Variants in MGAT4C observed in about 807,000 individuals in gnomAD.
MGAT4C encodes alpha-1,3-mannosyl-glycoprotein 4-beta-N-acetylglucosaminyltransferase C.
MGAT4C carries 19 observed loss-of-function variants against 40.1 expected under a neutral mutation model. The observed-to-expected ratio is 0.47, with a 90% CI of 0.33 to 0.70. The LOEUF (loss-of-function observed/expected upper bound fraction) is 0.70. Among genes scored for constraint, MGAT4C ranks in the 30% least tolerant of loss-of-function variants. The pLI, the probability that MGAT4C is intolerant of heterozygous loss-of-function variation, is 0.02. For synonymous variants in MGAT4C, 181 were observed against 187.1 expected, an observed-to-expected ratio of 0.97 and a Z score of 0.27; for missense variants, 491 against 563.2, an observed-to-expected ratio of 0.87 and a Z score of 1.30.
chr12:86,233,396 G>A (rs1951406682), intron 1 of MGAT4C, among the ~76,000 whole-genome samples: 1 of 152,172 alleles, frequency 6.6e-6, no homozygotes, highest in East Asian at 1.9e-4. Flanking sequence ...TGATGCTAAT[G>A]ACACATTACA....
chr12:86,661,418 C>A (rs1252508412), intron 2 of MGAT4C, among the ~76,000 whole-genome samples: 7 of 151,642 alleles, frequency 4.6e-5, no homozygotes, highest in African/African-American at 1.7e-4. Context: ...GTAAAAAAAT[C>A]ATCTTAATGT....
chr12:86,013,294 C>T (rs1466281164), intron 2 of MGAT4C, among the ~76,000 whole-genome samples: 2 of 152,052 alleles, frequency 1.3e-5, no homozygotes, highest in Non-Finnish European at 2.9e-5. Context: ...TGCTCTATCG[C>T]CCAGGCTGGA....
At chr12:86,076,380 T>C (rs1308133779) in intron 1 of MGAT4C, among the ~76,000 whole-genome samples, 1 of 152,162 alleles carries the variant, frequency 6.6e-6, no homozygotes, top group Non-Finnish European at 1.5e-5. Flanking sequence ...ACATTTTCCT[T>C]TTTTCTTCTG....
At chr12:86,266,938 T>C (rs1429815039) in intron 4 of MGAT4C, among the ~76,000 whole-genome samples, 1 of 152,100 alleles carries the variant, frequency 6.6e-6, no homozygotes, top group Non-Finnish European at 1.5e-5. Flanking sequence ...TAGTTATTCA[T>C]AATATTCTCT....
At chr12:86,036,183 C>T (rs1225907807) in intron 2 of MGAT4C, among the ~76,000 whole-genome samples, 5 of 149,918 alleles carry the variant, frequency 3.3e-5, no homozygotes, top group Admixed American at 1.3e-4. Flanking sequence ...GCCATTTTCA[C>T]GAAATTGATT....
chr12:86,165,235 ATAAT>A (rs1246889232), intron 1 of MGAT4C, among the ~76,000 whole-genome samples: 5 of 152,160 alleles, frequency 3.3e-5, no homozygotes, highest in Non-Finnish European at 5.9e-5. Flanking sequence ...CATATATAAA[ATAAT>A]TAATGTAGAT....
At chr12:86,631,110 A>G (rs1309915097) in intron 2 of MGAT4C, among the ~76,000 whole-genome samples, 2 of 152,178 alleles carry the variant, frequency 1.3e-5, no homozygotes, top group Non-Finnish European at 2.9e-5. Flanking sequence ...TACACCAACA[A>G]CAGACAAACA....
chr12:85,995,252 C>A (rs1886475583), intron 2 of MGAT4C, among the ~76,000 whole-genome samples: 1 of 152,104 alleles, frequency 6.6e-6, no homozygotes. Context: ...ACGTAGAGAT[C>A]TTGCCAATTA....
chr12:86,223,792 G>A (rs1241995865), intron 1 of MGAT4C, among the ~76,000 whole-genome samples: 1 of 152,108 alleles, frequency 6.6e-6, no homozygotes, highest in Non-Finnish European at 1.5e-5. Context: ...CTGAGGTCCG[G>A]CAAACCCAAC....
intron 3 of MGAT4C, among the ~76,000 whole-genome samples, chr12:86,362,915 TA>T (rs1955513679): frequency 6.9e-6 from 1 of 145,736 alleles, no homozygotes; most frequent in Non-Finnish European, 1.5e-5. Flanking sequence ...TAATATTAGC[TA>T]AAGTGGATTT....
intron 2 of MGAT4C, among the ~76,000 whole-genome samples, chr12:85,990,053 A>G (rs1282574351): frequency 6.6e-6 from 1 of 152,142 alleles, no homozygotes; most frequent in Admixed American, 6.5e-5. Context: ...AAAGTGATAA[A>G]GAAGTTAAGG....
At chr12:86,361,046 GA>G (rs79664230) in intron 3 of MGAT4C, among the ~76,000 whole-genome samples, 111,294 of 151,894 alleles carry the variant, frequency 0.73, 40,978 homozygotes, top group East Asian at 0.9. Context: ...TAAGCCAAAA[GA>G]ACAAAGCTGG....
intron 1 of MGAT4C, among the ~76,000 whole-genome samples, chr12:86,079,694 T>C (rs190850390): frequency 1.9e-3 from 296 of 152,068 alleles, no homozygotes; most frequent in African/African-American, 6.6e-3. Flanking sequence ...TAATGATTTA[T>C]GTATATAAGT....
intron 2 of MGAT4C, among the ~76,000 whole-genome samples, chr12:86,714,851 A>G (rs1233319945): frequency 6.6e-6 from 1 of 151,940 alleles, no homozygotes; most frequent in Non-Finnish European, 1.5e-5. Context: ...GGGTAGAAGA[A>G]AGATGTAACG....
rs1447992988 is a variant in MGAT4C at position 85,973,964 on chromosome 12, T to TG, written c.*5324dup. ...ATTGAAGCAAATTCTACCCTGGACT[T>TG]GGAGTAAATGTGATGAACAGATTAA... On this transcript the variant is annotated 3_prime_UTR_variant, in exon 5 of 5. Transcript: ENST00000611864. The TG allele has an allele frequency of 6.6e-6, 1 of 150,886 alleles. No homozygotes were observed. The highest frequency in any genetic ancestry group is 1.5e-5 in the Non-Finnish European group (1 of 67,116). 9.3% of individuals were successfully genotyped at this position (150,886 alleles called of 1,614,324 possible).
intron 4 of MGAT4C, among the ~76,000 whole-genome samples, chr12:86,289,994 G>C (rs1402877384): frequency 6.6e-6 from 1 of 151,820 alleles, no homozygotes; most frequent in African/African-American, 2.4e-5. Context: ...GACATCATAG[G>C]TCATACTGAA....
intron 2 of MGAT4C, among the ~76,000 whole-genome samples, chr12:86,449,324 T>C (rs527717366): frequency 2.7e-4 from 41 of 152,278 alleles, no homozygotes; most frequent in African/African-American, 9.4e-4. Flanking sequence ...AAGTTTTATT[T>C]AGATATGCTT....
chr12:86,580,937 C>G (rs2136433571), intron 2 of MGAT4C, among the ~76,000 whole-genome samples: 1 of 151,504 alleles, frequency 6.6e-6, no homozygotes, highest in South Asian at 2.1e-4. Context: ...TATGGTTAGC[C>G]TACCTAATAA....
At chr12:86,757,910 T>G (rs1951334087) in intron 1 of MGAT4C, among the ~76,000 whole-genome samples, 1 of 152,186 alleles carries the variant, frequency 6.6e-6, no homozygotes, top group African/African-American at 2.4e-5. Flanking sequence ...CTGGGTCACA[T>G]CTGGTCACTT....
Sources: gnomAD v4.1 joint callset for allele counts (sites outside exome capture counted in the v4.1 genomes callset) on GRCh38, gnomAD v4.1.1 for gene constraint, MANE v1.5 for transcripts, NCBI Gene and HGNC (gene_info 2026-07-23, HGNC 2026-07-21) for gene names.